CACNG2: variants seen among roughly 807,000 people sequenced by gnomAD.
CACNG2 encodes the protein calcium voltage-gated channel auxiliary subunit gamma 2.
In CACNG2, 3 loss-of-function variants were observed where a neutral mutation model predicts 25.9. That is an observed-to-expected ratio of 0.12 (90% CI 0.05 to 0.30). CACNG2 has a LOEUF of 0.30. CACNG2 is among the 10% of genes least tolerant of loss of function. CACNG2 has a pLI of 1.00. For missense variants in CACNG2, 341 were observed against 432.5 expected (o/e 0.79, Z 1.88); for synonymous variants, 167 against 173.3 (o/e 0.96, Z 0.29).
At position 36,676,125 on chromosome 22, in the gene CACNG2, T is replaced by A. The variant is rs144058877; in HGVS notation, c.211+26241A>T. ...GTGGAGCAGGCTCCCCACAGCGCTA[T>A]CTCTTAGGAGGGCCAGCCTCCCAAA... is the stretch of plus-strand genomic sequence containing the variant. On this transcript the variant is annotated intron_variant, in intron 1 of 3. Transcript: ENST00000300105. Among the ~76,000 whole-genome samples the A allele has an allele frequency of 1.1e-4, 16 of 152,242 alleles. No individual in the cohort carries two copies. The East Asian group carries it at 3.1e-3, about 29-fold the overall frequency.
At chr22:36,639,101 T>A (rs1235449610) in intron 1 of CACNG2, among the ~76,000 whole-genome samples, 2 of 152,182 alleles carry the variant, frequency 1.3e-5, no homozygotes, top group Non-Finnish European at 2.9e-5. Flanking sequence ...CCAGGTTGGA[T>A]CGTGGATCCT....
Position 36,562,379 on chromosome 22 carries a change from GA to G in CACNG2, c.*1971del, listed in dbSNP as rs1569012530. 2 of 151,888 alleles carry G rather than the reference GA, an allele frequency of 1.3e-5. No homozygotes were observed. Among genetic ancestry groups the G allele is most frequent in the Non-Finnish European group, 2.9e-5 (2 of 67,982 alleles). The allele number at this position is 151,888 out of a possible 1,614,324, so 9.4% of individuals were successfully genotyped here. ...GTCAATCCACATGCTTACATGGGGG[GA>G]AAATTAAGGCCCAGAGAGGCCATGC... On this transcript the variant is annotated 3_prime_UTR_variant, in exon 4 of 4. Transcript: ENST00000300105.
intron 1 of CACNG2, among the ~76,000 whole-genome samples, chr22:36,676,223 G>A (rs970818399): frequency 6.6e-6 from 1 of 152,188 alleles, no homozygotes; most frequent in Admixed American, 6.5e-5. Flanking sequence ...CTCTGTAGCT[G>A]TGACCACACA....
chr22:36,634,737 C>T (rs1404004674), intron 1 of CACNG2, among the ~76,000 whole-genome samples: 1 of 152,182 alleles, frequency 6.6e-6, no homozygotes, highest in African/African-American at 2.4e-5. Flanking sequence ...TTTTGCTAGG[C>T]TCTGAGGAGG....
chr22:36,658,759 T>C (rs774537191), intron 1 of CACNG2, among the ~76,000 whole-genome samples: 3 of 152,110 alleles, frequency 2.0e-5, no homozygotes, highest in Non-Finnish European at 4.4e-5. Flanking sequence ...AACCATAATG[T>C]AATCACAGAG....
At chr22:36,684,995 G>A (rs1020143239) in intron 1 of CACNG2, among the ~76,000 whole-genome samples, 1 of 152,210 alleles carries the variant, frequency 6.6e-6, no homozygotes, top group Non-Finnish European at 1.5e-5. Flanking sequence ...CCTGAGCTGC[G>A]GTGGTGTGTG....
Position 36,572,467 on chromosome 22 carries a change from C to A in CACNG2, c.296-5974G>T, listed in dbSNP as rs533401766. 3.3e-5 allele frequency among the ~76,000 whole-genome samples: 5 copies of A among 152,168 alleles called. No homozygotes were observed. In the South Asian group the frequency reaches 1.0e-3, roughly 32 times the overall value. On this transcript the variant is annotated intron_variant, in intron 2 of 3. Coordinates refer to ENST00000300105, the MANE Select transcript of CACNG2 (RefSeq NM_006078.5). ...TATTTACAAAATCACTTTGGGAGGC[C>A]GAGGGGGCTGGATCACTTGAGGTCA...
chr22:36,702,339 G>C (rs765996670), intron 1 of CACNG2, 27 bp downstream of exon 1: 122 of 1,514,662 alleles, frequency 8.1e-5, no homozygotes, highest in Non-Finnish European at 1.0e-4. Context: ...GGGGTGGAGA[G>C]GGGGGAGGAG....
At chr22:36,695,917 T>C (rs1325822055) in intron 1 of CACNG2, among the ~76,000 whole-genome samples, 1 of 152,116 alleles carries the variant, frequency 6.6e-6, no homozygotes, top group Non-Finnish European at 1.5e-5. Context: ...ACCAATAAAA[T>C]AAATGAGTGA....
intron 1 of CACNG2, among the ~76,000 whole-genome samples, chr22:36,664,065 C>T (rs1936838650): frequency 6.6e-6 from 1 of 152,176 alleles, no homozygotes; most frequent in South Asian, 2.1e-4. Flanking sequence ...CCCACCCTTC[C>T]TCCCCTATGG....
chr22:36,567,559 T>A lies in CACNG2; in HGVS notation c.296-1066A>T, dbSNP rs549234134. Among the ~76,000 whole-genome samples, 7 of 127,158 alleles carry A rather than the reference T, an allele frequency of 5.5e-5. No homozygotes were observed. In the South Asian group the frequency reaches 1.7e-3, roughly 31 times the overall value. 83.4% of individuals were successfully genotyped at this position (127,158 alleles called of 152,430 possible). A position where few individuals can be genotyped will look rare whatever the true frequency, so the allele number is the denominator to read the frequency against. The stretch of plus-strand genomic sequence containing the variant: ...GTAATGAAAAGGGAGAAACAGAAGG[T>A]GAGGGCCAGGGCTCCTACAGTTGGG... On this transcript the variant is annotated intron_variant, in intron 2 of 3. Coordinates refer to ENST00000300105, the MANE Select transcript of CACNG2 (RefSeq NM_006078.5).
intron 2 of CACNG2, among the ~76,000 whole-genome samples, chr22:36,586,577 T>C (rs1275622170): frequency 2.0e-5 from 3 of 152,152 alleles, no homozygotes; most frequent in African/African-American, 7.2e-5. Flanking sequence ...GCAATCTATA[T>C]AATAAAATGC....
intron 2 of CACNG2, among the ~76,000 whole-genome samples, chr22:36,583,975 G>A (rs564593890): frequency 6.6e-6 from 1 of 152,282 alleles, no homozygotes; most frequent in Admixed American, 6.5e-5. Context: ...CCTGCTTTAA[G>A]GACTTTGCTC....
intron 1 of CACNG2, among the ~76,000 whole-genome samples, chr22:36,683,368 C>G (rs1937152268): frequency 1.3e-5 from 2 of 152,142 alleles, no homozygotes; most frequent in South Asian, 4.1e-4. Flanking sequence ...GTGGATGAAG[C>G]CCTTGGATCT....
intron 1 of CACNG2, among the ~76,000 whole-genome samples, chr22:36,657,660 A>C (rs1457715990): frequency 6.6e-6 from 1 of 152,066 alleles, no homozygotes; most frequent in African/African-American, 2.4e-5. Flanking sequence ...AAACCTACAG[A>C]GTTTTCATTT....
chr22:36,641,604 A>T (rs1936443533), intron 1 of CACNG2, among the ~76,000 whole-genome samples: 1 of 152,244 alleles, frequency 6.6e-6, no homozygotes, highest in Admixed American at 6.5e-5. Flanking sequence ...GACAAACTTC[A>T]CTTGCTAAGA....
intron 1 of CACNG2, among the ~76,000 whole-genome samples, chr22:36,588,260 C>T (rs9622424): frequency 0.27 from 40,730 of 151,992 alleles, 5,631 homozygotes; most frequent in Middle Eastern, 0.37. Context: ...GTGCTTGTGG[C>T]TAGGAAATGA....
intron 1 of CACNG2, among the ~76,000 whole-genome samples, chr22:36,592,822 G>T (rs1341312890): frequency 6.6e-6 from 1 of 152,106 alleles, no homozygotes; most frequent in African/African-American, 2.4e-5. Context: ...TGTCCTCTAC[G>T]GTTCGACTAG....
chr22:36,577,650 G>GA (rs544986089), intron 2 of CACNG2, among the ~76,000 whole-genome samples: 1,527 of 114,402 alleles, frequency 0.013, 27 homozygotes, highest in African/African-American at 0.042. Flanking sequence ...CTCCGTCTTG[G>GA]AAAAAAAAAA....
Sources: gnomAD v4.1 joint callset for allele counts (sites outside exome capture counted in the v4.1 genomes callset) on GRCh38, gnomAD v4.1.1 for gene constraint, MANE v1.5 for transcripts, NCBI Gene and HGNC (gene_info 2026-07-23, HGNC 2026-07-21) for gene names.